C6orf118: variants seen among roughly 807,000 people sequenced by gnomAD.
The protein encoded by C6orf118 is uncharacterized protein C6orf118.
Under a neutral mutation model 50.2 loss-of-function variants are expected in C6orf118, and 50 were observed. The ratio of observed to expected loss-of-function variants is 1.00; its 90% CI spans 0.79 to 1.26. The LOEUF (loss-of-function observed/expected upper bound fraction) is 1.26, where lower values mean the gene tolerates loss of function less well. Ranked by LOEUF, C6orf118 falls within the 50% of genes most tolerant of loss-of-function variation. The probability of loss-of-function intolerance (pLI) is 0.00; values close to 1 mark genes in which losing one functional copy is unlikely to be tolerated. For synonymous variants in C6orf118, 239 were observed against 230.9 expected, an observed-to-expected ratio of 1.03 and a Z score of -0.32; for missense variants, 641 against 578.7, an observed-to-expected ratio of 1.11 and a Z score of -1.10.
At chr6:165,299,074 T>C (rs984304277) in intron 4 of C6orf118, among the ~76,000 whole-genome samples, 2 of 152,148 alleles carry the variant, frequency 1.3e-5, no homozygotes, top group African/African-American at 4.8e-5. Context: ...AAAGAGATCA[T>C]GGGGTTTGAG....
At chr6:165,288,712 C>T (rs1780001626) in intron 7 of C6orf118, among the ~76,000 whole-genome samples, 4 of 152,094 alleles carry the variant, frequency 2.6e-5, no homozygotes, top group Admixed American at 1.3e-4. Flanking sequence ...CGTGTTCTCA[C>T]TTATAAGTGG....
chr6:165,295,048 G>A (rs1780242547), intron 5 of C6orf118, among the ~76,000 whole-genome samples: 1 of 151,932 alleles, frequency 6.6e-6, no homozygotes, highest in South Asian at 2.1e-4. Context: ...CTTCTTCAGG[G>A]ACTTTAATTA....
chr6:165,289,680 ATTTT>A (rs899586945), intron 7 of C6orf118, among the ~76,000 whole-genome samples: 2 of 152,070 alleles, frequency 1.3e-5, no homozygotes, highest in Non-Finnish European at 2.9e-5. Context: ...AATCTATAGA[ATTTT>A]TTTATCACTT....
intron 6 of C6orf118, among the ~76,000 whole-genome samples, chr6:165,290,699 A>T (rs1274867577): frequency 6.6e-6 from 1 of 152,190 alleles, no homozygotes; most frequent in Non-Finnish European, 1.5e-5. Flanking sequence ...CACTGTCTCC[A>T]GTGAAATTGT....
intron 3 of C6orf118, among the ~76,000 whole-genome samples, chr6:165,300,133 T>A (rs1010635124): frequency 1.3e-5 from 2 of 152,160 alleles, no homozygotes; most frequent in Admixed American, 6.5e-5. Flanking sequence ...GAAGCTTTAG[T>A]GGGAAAATAT....
chr6:165,300,364 C>G lies in C6orf118; in HGVS notation c.876G>C (p.Lys292Asn), dbSNP rs1235670740. The G allele has an allele frequency of 3.1e-6, 5 of 1,613,870 alleles. No individual in the cohort carries two copies. The highest frequency in any genetic ancestry group is 4.2e-6 in the Non-Finnish European group (5 of 1,179,892). Residue 292 changes from lysine to asparagine, a missense_variant and splice_region_variant, in exon 3 of 9, where the codon AAG (lysine) becomes AAC (asparagine). Transcript: ENST00000230301. ...TATGCTGAAGATGTATGTTTCTTAC[C>G]TTAACTTTTTTCAAGAGATCACCAA... ...LIFGDLLKKV[K>N]DEYELYMATL...
Position 165,301,745 on chromosome 6 carries a change from T to C in C6orf118, c.577A>G (p.Arg193Gly). The C allele has an allele frequency of 6.2e-7, 1 of 1,614,118 alleles. No homozygotes were observed. The highest frequency in any genetic ancestry group is 2.2e-5 in the East Asian group (1 of 44,858). ...TAGTGGTGCCGGTCCCTGGTGCCTC[T>C]GGACCCGGCCTCCTGGTAGCACAGC... ...KVLCYQEAGS[R>G]GTRDRHHYVS... Residue 193 changes from arginine to glycine, a missense_variant, in exon 2 of 9, where the codon AGA becomes GGA. Coordinates refer to ENST00000230301, the MANE Select transcript of C6orf118 (RefSeq NM_144980.4).
At chr6:165,301,401 CAG>C (rs5881644) in intron 2 of C6orf118, among the ~76,000 whole-genome samples, 166 bp downstream of exon 2, 44,314 of 142,590 alleles carry the variant, frequency 0.31, 7,890 homozygotes, top group South Asian at 0.39. Flanking sequence ...GAGCACTGCA[CAG>C]AGAGCACTGC....
At chr6:165,290,294 A>G (rs2128158888) in intron 6 of C6orf118, among the ~76,000 whole-genome samples, 1 of 152,262 alleles carries the variant, frequency 6.6e-6, no homozygotes, top group East Asian at 1.9e-4. Flanking sequence ...ATTTTTGTGC[A>G]GACACTGGGC....
chr6:165,307,823 A>G (rs1303614716), intron 1 of C6orf118, among the ~76,000 whole-genome samples: 1 of 152,228 alleles, frequency 6.6e-6, no homozygotes, highest in African/African-American at 2.4e-5. Flanking sequence ...AGGCCTGGCC[A>G]GTGGGGGTCT....
In C6orf118 at chr6:165,289,881, C is replaced by A; in HGVS notation, c.1302+5G>T. 1.3e-6 allele frequency: 2 copies of A among 1,555,264 alleles called. No homozygotes were observed. The highest frequency in any genetic ancestry group is 1.7e-6 in the Non-Finnish European group (2 of 1,151,874). The stretch of plus-strand genomic sequence containing the variant: ...TGTAAATATTTAAATAAATAAGTTG[C>A]GTACCTCTATGCTTTTAATCCTATT... On this transcript the variant is annotated splice_donor_5th_base_variant and intron_variant, in intron 7 of 8. Transcript: ENST00000230301.
At chr6:165,298,192 T>G in intron 4 of C6orf118, 91 bp from the exon 5 acceptor site, 1 of 1,423,300 alleles carries the variant, frequency 7.0e-7, no homozygotes. Context: ...GTTTTCAAGG[T>G]GCCCTGGGTT....
At chr6:165,300,944 AG>A (rs1474366733) in intron 2 of C6orf118, among the ~76,000 whole-genome samples, 1 of 149,480 alleles carries the variant, frequency 6.7e-6, no homozygotes, top group Non-Finnish European at 1.5e-5. Context: ...GGCATACCTC[AG>A]GGCGTGACAG....
intron 7 of C6orf118, among the ~76,000 whole-genome samples, chr6:165,286,599 C>A (rs1456603314): frequency 1.3e-5 from 2 of 152,080 alleles, no homozygotes; most frequent in African/African-American, 4.8e-5. Flanking sequence ...TTGCCTTCAC[C>A]CCCAAGATGC....
intron 7 of C6orf118, among the ~76,000 whole-genome samples, chr6:165,285,997 T>C (rs1194383137): frequency 6.7e-6 from 1 of 150,220 alleles, no homozygotes; most frequent in Non-Finnish European, 1.5e-5. Context: ...ATGGTTTTTT[T>C]GAAAAAAAAA....
At chr6:165,293,760 A>G (rs1391530900) in intron 5 of C6orf118, among the ~76,000 whole-genome samples, 1 of 152,184 alleles carries the variant, frequency 6.6e-6, no homozygotes, top group African/African-American at 2.4e-5. Context: ...TGCAATTGCT[A>G]AGAAGGAAGA....
chr6:165,301,039 G>A (rs924821585), intron 2 of C6orf118, among the ~76,000 whole-genome samples: 2 of 152,150 alleles, frequency 1.3e-5, no homozygotes, highest in Middle Eastern at 3.4e-3. Context: ...GCTGACCTAC[G>A]AACATCTGAT....
chr6:165,302,325 G>A (rs768943564), intron 1 of C6orf118, 29 bp from the exon 2 acceptor site: 5 of 1,597,806 alleles, frequency 3.1e-6, no homozygotes, highest in African/African-American at 1.4e-5. Context: ...GAGGCTCTTA[G>A]GGATCGCTCT....
chr6:165,292,481 GT>G (rs1294587224), intron 6 of C6orf118, among the ~76,000 whole-genome samples: 1 of 152,148 alleles, frequency 6.6e-6, no homozygotes, highest in Non-Finnish European at 1.5e-5. Flanking sequence ...TTTTTTATTA[GT>G]GGCTAGCAGT....
Sources: allele counts gnomAD v4.1 joint callset (sites outside exome capture counted in the v4.1 genomes callset), GRCh38; gene constraint gnomAD v4.1.1; transcripts MANE v1.5; gene names NCBI Gene and HGNC (gene_info 2026-07-23, HGNC 2026-07-21).